Variants in DNAJC6 observed in about 807,000 individuals in gnomAD.
DNAJC6 encodes DnaJ heat shock protein family (Hsp40) member C6.
In DNAJC6, 34 loss-of-function variants were observed where a neutral mutation model predicts 110.0. That is an observed-to-expected ratio of 0.31 (90% confidence interval 0.24 to 0.41). The LOEUF is 0.41. DNAJC6 is among the 10% of genes least tolerant of loss of function. DNAJC6 has a pLI of 1.00. For missense variants in DNAJC6, 1,031 were observed against 1,207.8 expected (o/e 0.85, Z 2.17); for synonymous variants, 406 against 437.2 (o/e 0.93, Z 0.89).
Position 65,406,045 on chromosome 1 carries a change from C to G in DNAJC6, c.2403C>G (p.Ser801=). Residue 801 remains serine (S), a synonymous_variant, in exon 16 of 19, where the codon TCC becomes TCG. Transcript: ENST00000371069. The stretch of plus-strand genomic sequence containing the variant: ...AGCCTCAGCCCAGCATGCCCCACTC[C>G]TCTCCCCAGAACCGACCCAACTACA... ...QPKPQPSMPH[S]SPQNRPNYNV... is the part of the protein sequence containing the mutation. 1 of 1,614,166 alleles carries G rather than the reference C, an allele frequency of 6.2e-7. No homozygotes were observed. Among genetic ancestry groups the G allele is most frequent in the Non-Finnish European group, 8.5e-7 (1 of 1,180,042 alleles).
intron 1 of DNAJC6, among the ~76,000 whole-genome samples, chr1:65,356,065 G>C (rs1645540652): frequency 6.6e-6 from 1 of 151,878 alleles, no homozygotes; most frequent in Non-Finnish European, 1.5e-5. Context: ...GATCAGTTCT[G>C]GCTGAACTGA....
chr1:65,346,256 G>A (rs962625427), intron 1 of DNAJC6, among the ~76,000 whole-genome samples: 4 of 152,060 alleles, frequency 2.6e-5, no homozygotes, highest in African/African-American at 4.8e-5. Flanking sequence ...AATTTTCTTC[G>A]GCTGGCTTGG....
At chr1:65,354,114 A>G (rs1645518637) in intron 1 of DNAJC6, among the ~76,000 whole-genome samples, 1 of 152,188 alleles carries the variant, frequency 6.6e-6, no homozygotes, top group Admixed American at 6.5e-5. Context: ...TGAAGACTCA[A>G]TAGCAAGTAA....
At chr1:65,268,646 GT>G (rs1653412935) in intron 1 of DNAJC6, among the ~76,000 whole-genome samples, 1 of 152,120 alleles carries the variant, frequency 6.6e-6, no homozygotes, top group Non-Finnish European at 1.5e-5. Context: ...CATTCACATG[GT>G]AGGCAAGTAC....
At chr1:65,300,678 C>T (rs1054750462) in intron 1 of DNAJC6, among the ~76,000 whole-genome samples, 8 of 152,304 alleles carry the variant, frequency 5.3e-5, no homozygotes, top group Non-Finnish European at 1.2e-4. Context: ...TCTCACGAAA[C>T]CTTTCACATT....
intron 13 of DNAJC6, among the ~76,000 whole-genome samples, chr1:65,396,095 C>T (rs1018668672): frequency 3.9e-5 from 6 of 152,156 alleles, no homozygotes; most frequent in African/African-American, 7.2e-5. Context: ...TGAAACTTGA[C>T]TAAAAAAGAT....
chr1:65,314,031 C>T (rs1375101191), intron 1 of DNAJC6, among the ~76,000 whole-genome samples: 1 of 151,872 alleles, frequency 6.6e-6, no homozygotes, highest in Non-Finnish European at 1.5e-5. Context: ...TTCATAATGA[C>T]AAACTGAAAA....
At chr1:65,375,987 G>T (rs1356590143) in intron 4 of DNAJC6, among the ~76,000 whole-genome samples, 1 of 152,110 alleles carries the variant, frequency 6.6e-6, no homozygotes, top group East Asian at 1.9e-4. Context: ...TTAAATATTT[G>T]GTAGAATACA....
At chr1:65,371,162 C>T (rs1275995174) in intron 4 of DNAJC6, among the ~76,000 whole-genome samples, 1 of 152,194 alleles carries the variant, frequency 6.6e-6, no homozygotes, top group Non-Finnish European at 1.5e-5. Flanking sequence ...TTATTGTTAT[C>T]AGTCATCAGA....
At chr1:65,316,047 C>T (rs184413940) in intron 1 of DNAJC6, among the ~76,000 whole-genome samples, 7 of 152,244 alleles carry the variant, frequency 4.6e-5, no homozygotes, top group Admixed American at 3.9e-4. Flanking sequence ...AGACTTGATA[C>T]GGCACTGAGA....
Position 65,405,847 on chromosome 1 carries a change from T to C in DNAJC6, c.2228-23T>C, listed in dbSNP as rs751039744. 11 of 1,567,910 alleles carry C rather than the reference T, an allele frequency of 7.0e-6. No individual in the cohort carries two copies. The South Asian group carries it at 1.3e-4, about 19-fold the overall frequency. On this transcript the variant is annotated intron_variant, in intron 15 of 18. Transcript: ENST00000371069. ...GAGGCCACTCAAAATAGTTTTACCT[T>C]CTTTATCTCTTTTTTTCTTTAGGTA... is the stretch of plus-strand genomic sequence containing the variant.
intron 1 of DNAJC6, among the ~76,000 whole-genome samples, chr1:65,270,709 TGCTCTGTCACTCAG>T (rs1653475977): frequency 1.3e-5 from 2 of 152,176 alleles, no homozygotes; most frequent in Non-Finnish European, 1.5e-5. Context: ...GATGGAGTCT[TGCTCTGTCACTCAG>T]GCAGGAGTTC....
At chr1:65,265,673 A>C (rs1653291687) in intron 1 of DNAJC6, among the ~76,000 whole-genome samples, 1 of 152,362 alleles carries the variant, frequency 6.6e-6, no homozygotes, top group East Asian at 1.9e-4. Flanking sequence ...TTAAATTCGG[A>C]GGCTCCTTAA....
chr1:65,319,249 G>A (rs967265424), intron 1 of DNAJC6, among the ~76,000 whole-genome samples: 5 of 152,236 alleles, frequency 3.3e-5, no homozygotes, highest in African/African-American at 1.2e-4. Context: ...TTGTGGAAGG[G>A]CTGAGAATAC....
intron 13 of DNAJC6, among the ~76,000 whole-genome samples, chr1:65,395,252 T>G (rs1419599874): frequency 6.6e-6 from 1 of 152,198 alleles, no homozygotes; most frequent in Non-Finnish European, 1.5e-5. Flanking sequence ...CTTTCCTATT[T>G]GACTATGGTA....
chr1:65,310,163 C>T (rs918620705), intron 1 of DNAJC6, among the ~76,000 whole-genome samples: 2 of 151,430 alleles, frequency 1.3e-5, no homozygotes, highest in African/African-American at 4.9e-5. Flanking sequence ...CTGTAGCGAG[C>T]TCCTCCTAAT....
intron 1 of DNAJC6, among the ~76,000 whole-genome samples, chr1:65,332,224 T>C (rs1422303887): frequency 6.6e-6 from 1 of 152,206 alleles, no homozygotes; most frequent in African/African-American, 2.4e-5. Context: ...AGGATGTCTC[T>C]ATGGTTAACT....
At chr1:65,338,968 G>A (rs926191103) in intron 1 of DNAJC6, among the ~76,000 whole-genome samples, 1 of 152,152 alleles carries the variant, frequency 6.6e-6, no homozygotes, top group African/African-American at 2.4e-5. Flanking sequence ...TCTCCTCTGT[G>A]CTCCATTGAT....
intron 1 of DNAJC6, among the ~76,000 whole-genome samples, chr1:65,311,268 G>GGGCTGGAGTGCAGGGAT (rs1553137498): frequency 3.5e-5 from 4 of 114,350 alleles, no homozygotes; most frequent in Admixed American, 2.7e-4. Flanking sequence ...TCTGTTGCCC[G>GGGCTGGAGTGCAGGGAT]GGCTGGAGTG....
Sources: gnomAD v4.1 joint callset for allele counts (sites outside exome capture counted in the v4.1 genomes callset) on GRCh38, gnomAD v4.1.1 for gene constraint, MANE v1.5 for transcripts, NCBI Gene and HGNC (gene_info 2026-07-23, HGNC 2026-07-21) for gene names.